The following ODAD2 variants were observed in gnomAD, a reference collection of about 807,000 sequenced individuals.
The protein encoded by ODAD2 is outer dynein arm docking complex subunit 2.
A neutral mutation model predicts 106.8 loss-of-function variants in ODAD2; 89 were observed. That is an observed-to-expected ratio of 0.83 (90% confidence interval 0.70 to 0.99). ODAD2 has a LOEUF of 0.99. Ranked by LOEUF, ODAD2 falls within the 50% of genes least tolerant of loss-of-function variation. The pLI is 0.00. For missense variants in ODAD2, 1,168 were observed against 1,238.5 expected, an observed-to-expected ratio of 0.94 and a Z score of 0.85; for synonymous variants, 404 against 436.2, an observed-to-expected ratio of 0.93 and a Z score of 0.92.
intron 17 of ODAD2, among the ~76,000 whole-genome samples, chr10:27,891,140 G>A (rs1842534655): frequency 6.6e-6 from 1 of 152,130 alleles, no homozygotes; most frequent in African/African-American, 2.4e-5. Flanking sequence ...TAAACAGAGG[G>A]TGATGTCAAA....
At chr10:27,999,256 G>C (rs772612777), upstream of ODAD2, among the ~76,000 whole-genome samples, 2 of 152,202 alleles carry the variant, frequency 1.3e-5, no homozygotes, top group Non-Finnish European at 2.9e-5. Context: ...AGCAGTTGCG[G>C]GGTCGGCGGC....
intron 7 of ODAD2, among the ~76,000 whole-genome samples, chr10:27,973,005 C>T (rs929933738): frequency 6.6e-6 from 1 of 152,016 alleles, no homozygotes; most frequent in Admixed American, 6.6e-5. Context: ...TATACTGGGC[C>T]ATAAAATGAA....
intron 19 of ODAD2, among the ~76,000 whole-genome samples, chr10:27,819,469 G>A (rs1473335970): frequency 2.6e-5 from 4 of 151,660 alleles, no homozygotes; most frequent in Admixed American, 1.3e-4. Context: ...CTTTCAGGCC[G>A]GGTGGATGCC....
intron 10 of ODAD2, among the ~76,000 whole-genome samples, chr10:27,949,189 T>C (rs746359833): frequency 1.3e-5 from 2 of 152,178 alleles, no homozygotes; most frequent in Non-Finnish European, 2.9e-5. Flanking sequence ...TCAACAAATG[T>C]GTTGCATGCT....
intron 17 of ODAD2, among the ~76,000 whole-genome samples, chr10:27,887,736 CAAA>C (rs1361340222): frequency 6.6e-6 from 1 of 151,810 alleles, no homozygotes; most frequent in African/African-American, 2.4e-5. Context: ...ACCAGTGTGT[CAAA>C]GAAGAAATCA....
intron 10 of ODAD2, among the ~76,000 whole-genome samples, chr10:27,947,979 C>T (rs190818049): frequency 1.5e-4 from 23 of 152,280 alleles, no homozygotes; most frequent in Admixed American, 9.2e-4. Context: ...CTTAATTTTT[C>T]TCTTCTAGAC....
intron 16 of ODAD2, among the ~76,000 whole-genome samples, chr10:27,934,417 A>G (rs1845819962): frequency 6.7e-6 from 1 of 149,784 alleles, no homozygotes; most frequent in Admixed American, 6.7e-5. Context: ...ACATATATGT[A>G]TATGTATCTT....
Position 27,961,568 on chromosome 10 carries a change from C to T in ODAD2, c.1386G>A (p.Lys462=). 5 of 1,609,652 alleles carry T rather than the reference C, an allele frequency of 3.1e-6. No individual in the cohort carries two copies. Among genetic ancestry groups the T allele is most frequent in the Non-Finnish European group, 4.2e-6 (5 of 1,178,444 alleles). Residue 462 remains lysine (K), a splice_region_variant and synonymous_variant, in exon 10 of 20, where the codon AAG becomes AAA. Transcript: ENST00000305242. ...WQIQKLVKYL[K]GGNQTATVIA... ...ACATACTACCATAGACCTTTCTTAC[C>T]TTTAAATATTTCACCAGCTTCTGAA... is the stretch of plus-strand genomic sequence containing the variant.
intron 17 of ODAD2, among the ~76,000 whole-genome samples, chr10:27,871,585 T>G (rs1222019138): frequency 6.6e-6 from 1 of 152,244 alleles, no homozygotes; most frequent in Non-Finnish European, 1.5e-5. Flanking sequence ...GCTAGCCAGT[T>G]TTCCCAGCAC....
chr10:27,844,208 G>T (rs1838536125), intron 19 of ODAD2, among the ~76,000 whole-genome samples: 1 of 152,074 alleles, frequency 6.6e-6, no homozygotes, highest in Non-Finnish European at 1.5e-5. Flanking sequence ...CCAAAAAAAA[G>T]AATAATTGGC....
chr10:27,978,940 G>T (rs1268887852), intron 7 of ODAD2, among the ~76,000 whole-genome samples: 5 of 148,922 alleles, frequency 3.4e-5, no homozygotes, highest in Non-Finnish European at 7.5e-5. Context: ...CTAGGCATGG[G>T]GGCTCACAGC....
intron 16 of ODAD2, among the ~76,000 whole-genome samples, chr10:27,919,278 T>C (rs549176714): frequency 1.3e-5 from 2 of 152,136 alleles, no homozygotes; most frequent in East Asian, 1.9e-4. Flanking sequence ...ATGCCATACT[T>C]AAAAACTAGT....
Position 27,944,517 on chromosome 10 carries a change from C to A in ODAD2, c.1534-86G>T, listed in dbSNP as rs927913765. On this transcript the variant is annotated intron_variant, in intron 11 of 19. Coordinates refer to ENST00000305242, the MANE Select transcript of ODAD2 (RefSeq NM_018076.5). ...TCCGAGTATACCTAAAATCCTTCCCCAGTTAAGTTTTTTAAGAAATCATTT... is the reference window on the plus strand; with the variant it reads ...TCCGAGTATACCTAAAATCCTTCCCAAGTTAAGTTTTTTAAGAAATCATTT... 14 of 1,241,276 alleles carry A rather than the reference C, an allele frequency of 1.1e-5. No individual in the cohort carries two copies. In the Admixed American group the frequency reaches 2.5e-4, roughly 22 times the overall value. The allele number at this position is 1,241,276 out of a possible 1,614,324, so 76.9% of individuals were successfully genotyped here. A position where few individuals can be genotyped will look rare whatever the true frequency, so the allele number is the denominator to read the frequency against.
Position 27,944,451 on chromosome 10 carries a change from A to G in ODAD2, c.1534-20T>C, listed in dbSNP as rs765472215. 3.8e-6 allele frequency: 6 copies of G among 1,581,252 alleles called. No individual in the cohort carries two copies. The African/African-American group carries it at 8.1e-5, about 21-fold the overall frequency. On this transcript the variant is annotated intron_variant, in intron 11 of 19. Transcript: ENST00000305242. ...ACCAATCTGTGTGAGAAAAAAAAAG[A>G]TGAGTGGCGAATATGTAACCCGTGC... is the stretch of plus-strand genomic sequence containing the variant.
chr10:27,990,006 G>C (rs542012654), intron 2 of ODAD2, among the ~76,000 whole-genome samples: 1 of 152,330 alleles, frequency 6.6e-6, no homozygotes, highest in South Asian at 2.1e-4. Flanking sequence ...AGATCAGGAA[G>C]AATGAGCTAT....
chr10:27,992,025 A>C (rs550704178), intron 2 of ODAD2, among the ~76,000 whole-genome samples: 7 of 152,310 alleles, frequency 4.6e-5, no homozygotes, highest in African/African-American at 1.7e-4. Flanking sequence ...GCAAACACTG[A>C]GTGGCTATGG....
intron 10 of ODAD2, among the ~76,000 whole-genome samples, chr10:27,946,296 C>T (rs1846921162): frequency 6.6e-6 from 1 of 150,828 alleles, no homozygotes; most frequent in East Asian, 1.9e-4. Context: ...GTGGAAATTC[C>T]ATACCAGCTG....
At chr10:27,913,465 G>C (rs1844149290) in intron 16 of ODAD2, among the ~76,000 whole-genome samples, 1 of 152,012 alleles carries the variant, frequency 6.6e-6, no homozygotes, top group South Asian at 2.1e-4. Context: ...AATTACAACA[G>C]AATAAAAATG....
At chr10:27,971,498 C>T (rs1164777698) in intron 7 of ODAD2, among the ~76,000 whole-genome samples, 185 bp from the exon 8 acceptor site, 6 of 152,104 alleles carry the variant, frequency 3.9e-5, no homozygotes, top group South Asian at 2.1e-4. Flanking sequence ...TGGACAGTAA[C>T]GTGATGTTCC....
Sources: gnomAD v4.1 joint callset for allele counts (sites outside exome capture counted in the v4.1 genomes callset) on GRCh38, gnomAD v4.1.1 for gene constraint, MANE v1.5 for transcripts, NCBI Gene and HGNC (gene_info 2026-07-23, HGNC 2026-07-21) for gene names.